Variants in TP73 observed in about 807,000 individuals in gnomAD.
TP73 encodes the protein tumor protein p73.
Under a neutral mutation model 62.5 loss-of-function variants are expected in TP73, and 25 were observed. That is an observed-to-expected ratio of 0.40 (90% CI 0.29 to 0.56). TP73 has a LOEUF of 0.56. TP73 is among the 20% of genes least tolerant of loss of function. TP73 has a pLI of 0.46. For missense variants in TP73, 754 were observed against 913.3 expected, an observed-to-expected ratio of 0.83 and a Z score of 2.25; for synonymous variants, 423 against 377.5, an observed-to-expected ratio of 1.12 and a Z score of -1.40.
intron 1 of TP73, among the ~76,000 whole-genome samples, chr1:3,657,360 C>T (rs138357353): frequency 7.1e-4 from 108 of 152,334 alleles, no homozygotes; most frequent in Middle Eastern, 3.4e-3. Flanking sequence ...TGGCCTTCTC[C>T]TCTGTGTCCC....
Position 3,666,981 on chromosome 1 carries a change from G to T in TP73, c.-34+14340G>T, listed in dbSNP as rs1205388805. On this transcript the variant is annotated intron_variant, in intron 1 of 13. Coordinates refer to ENST00000378295, the MANE Select transcript of TP73 (RefSeq NM_005427.4). The surrounding 1 kb of genome is among the most constrained non-coding windows in gnomAD (Gnocchi z 6.4). ...CCGTGATTCAGCTATTTTGAGATGGGGAGGCCATCTGGCAGGATCCAGGTG... is the reference window on the plus strand; with the variant it reads ...CCGTGATTCAGCTATTTTGAGATGGTGAGGCCATCTGGCAGGATCCAGGTG... 6.6e-6 allele frequency among the ~76,000 whole-genome samples: 1 copy of T among 152,226 alleles called. No individual in the cohort carries two copies. The highest frequency in any genetic ancestry group is 2.4e-5 in the African/African-American group (1 of 41,454).
At chr1:3,676,398 A>G (rs1204910407) in intron 1 of TP73, among the ~76,000 whole-genome samples, 1 of 102,184 alleles carries the variant, frequency 9.8e-6, no homozygotes, top group Non-Finnish European at 1.9e-5. Context: ...CAGGGAAGGA[A>G]CCTATGGGGG....
Position 3,701,097 on chromosome 1 carries a change from C to T in TP73, c.187-6452C>T, listed in dbSNP as rs754411437. ...CCACTTCCCCCAGTTGGATGGCCCG[C>T]GTGGATTTCAGGGTCTGTTTCATCC... On this transcript the variant is annotated intron_variant, in intron 3 of 13. Coordinates refer to ENST00000378295, the MANE Select transcript of TP73 (RefSeq NM_005427.4). This position sits in a 1 kb window ranked among gnomAD's most constrained non-coding sequence, Gnocchi z 4.7. Among the ~76,000 whole-genome samples, 1 of 152,182 alleles carries T rather than the reference C, an allele frequency of 6.6e-6. No homozygotes were observed. Among genetic ancestry groups the T allele is most frequent in the Non-Finnish European group, 1.5e-5 (1 of 68,034 alleles).
intron 3 of TP73, among the ~76,000 whole-genome samples, chr1:3,688,821 C>G (rs1456607601): frequency 2.6e-5 from 4 of 152,200 alleles, no homozygotes; most frequent in African/African-American, 9.7e-5. Context: ...GCACGGTGCC[C>G]TGGGCATGGG....
intron 1 of TP73, among the ~76,000 whole-genome samples, chr1:3,682,044 G>A (rs1193289003): frequency 6.6e-6 from 1 of 152,220 alleles, no homozygotes; most frequent in African/African-American, 2.4e-5. Context: ...CCTCTTCCAA[G>A]GCGACGGCTC....
chr1:3,698,208 A>T (rs1326478233), intron 3 of TP73: 3 of 839,954 alleles, frequency 3.6e-6, no homozygotes, highest in Non-Finnish European at 4.3e-6. Context: ...ACAGGATGTC[A>T]GGGCTGACAC....
In TP73 at chr1:3,728,182, C is replaced by A; in HGVS notation, c.1039C>A (p.Arg347=). The part of the protein sequence containing the change: ...VPALGAGVKK[R]RHGDEDTYYL... ...CGCCCTTGGTGCCGGTGTGAAGAAG[C>A]GGCGGCATGGAGACGAGGACACGTA... is the stretch of plus-strand genomic sequence containing the variant. Residue 347 remains arginine, a synonymous_variant, in exon 9 of 14, where the codon CGG becomes AGG. Coordinates refer to ENST00000378295, the MANE Select transcript of TP73 (RefSeq NM_005427.4). 1 of 1,611,988 alleles carries A rather than the reference C, an allele frequency of 6.2e-7. No individual in the cohort carries two copies. The highest frequency in any genetic ancestry group is 1.1e-5 in the South Asian group (1 of 91,082).
intron 1 of TP73, among the ~76,000 whole-genome samples, chr1:3,658,645 T>G (rs914654630): frequency 3.3e-5 from 5 of 152,256 alleles, no homozygotes; most frequent in African/African-American, 1.2e-4. Context: ...GATGTCAATT[T>G]TCTTTAGAAA....
In TP73 at chr1:3,682,941, G is replaced by A. The variant is rs1039923648; in HGVS notation, c.66-119G>A. 35 of 1,360,438 alleles carry A rather than the reference G, an allele frequency of 2.6e-5. No homozygotes were observed. In the Admixed American group the frequency reaches 7.4e-4, roughly 29 times the overall value. 84.3% of individuals were successfully genotyped at this position (1,360,438 alleles called of 1,614,324 possible). A position where few individuals can be genotyped will look rare whatever the true frequency, so the allele number is the denominator to read the frequency against. ...AGATGGGATGAGAGGGAATGGGAAG[G>A]GCAGGAGACGTAGGCCTCACCAGGA... On this transcript the variant is annotated intron_variant, in intron 2 of 13. Transcript: ENST00000378295.
chr1:3,665,183 T>C (rs1178831253), intron 1 of TP73, among the ~76,000 whole-genome samples: 2 of 152,188 alleles, frequency 1.3e-5, no homozygotes, highest in African/African-American at 4.8e-5. Flanking sequence ...TGTTTTCTTC[T>C]GGAGCGAGGC....
intron 3 of TP73, among the ~76,000 whole-genome samples, chr1:3,704,216 G>A (rs552961496): frequency 6.6e-6 from 1 of 152,372 alleles, no homozygotes; most frequent in East Asian, 1.9e-4. Flanking sequence ...CAAAAAGGTG[G>A]AAAGGAGCTG....
chr1:3,700,707 G>A (rs561490536), intron 3 of TP73, among the ~76,000 whole-genome samples: 3 of 151,980 alleles, frequency 2.0e-5, no homozygotes, highest in Admixed American at 1.3e-4. Flanking sequence ...CTTGAACCCA[G>A]GAGGTGGAAG....
chr1:3,711,867 T>TGTGTGCGC (rs1491505004), intron 4 of TP73, among the ~76,000 whole-genome samples: 2 of 147,790 alleles, frequency 1.4e-5, no homozygotes, highest in African/African-American at 4.9e-5. Context: ...TGTGTGTGTG[T>TGTGTGCGC]GCGCGAGCAT....
chr1:3,663,475 G>A lies in TP73; in HGVS notation c.-34+10834G>A, dbSNP rs1196573282. Among the ~76,000 whole-genome samples the A allele has an allele frequency of 6.6e-6, 1 of 152,180 alleles. No homozygotes were observed. The highest frequency in any genetic ancestry group is 6.5e-5 in the Admixed American group (1 of 15,284). ...TCACGCCTGTAATCCCAGCACTTTGGGAGGCTGAGTCGGGCGGATCACTAG... is the reference window on the plus strand; with the variant it reads ...TCACGCCTGTAATCCCAGCACTTTGAGAGGCTGAGTCGGGCGGATCACTAG... On this transcript the variant is annotated intron_variant, in intron 1 of 13. Transcript: ENST00000378295. The surrounding 1 kb of genome is among the most constrained non-coding windows in gnomAD (Gnocchi z 4.7).
chr1:3,659,170 A>G (rs1373500305), intron 1 of TP73: 1 of 56,792 alleles, frequency 1.8e-5, no homozygotes, highest in Non-Finnish European at 3.4e-5. Context: ...TTTCTATGGA[A>G]ACAAAAGAAA....
At position 3,682,396 on chromosome 1, in the gene TP73, G is replaced by T; in HGVS notation, c.31G>T (p.Gly11Trp). The T allele has an allele frequency of 1.3e-6, 2 of 1,565,704 alleles. No individual in the cohort carries two copies. Among genetic ancestry groups the T allele is most frequent in the Non-Finnish European group, 8.7e-7 (1 of 1,152,796 alleles). The change falls in exon 2 of 14, where the codon GGG becomes TGG. Residue 11 changes from glycine (G) to tryptophan (W), a missense_variant. By Grantham distance (184) the Gly-to-Trp change is radical. Transcript: ENST00000378295. ...CCAGTCCACCGCCACCTCCCCTGAT[G>T]GGGGCACCACGTTTGAGCACCTCTG... is the stretch of plus-strand genomic sequence containing the variant. MAQSTATSPD[G>W]GTTFEHLWSS...
intron 3 of TP73, among the ~76,000 whole-genome samples, chr1:3,683,989 C>T (rs1645586294): frequency 6.6e-6 from 1 of 152,266 alleles, no homozygotes; most frequent in Non-Finnish European, 1.5e-5. Context: ...CAAGCCCTGC[C>T]CCATTGGCTG....
intron 3 of TP73, among the ~76,000 whole-genome samples, chr1:3,698,365 G>C (rs973654996): frequency 1.3e-5 from 2 of 152,202 alleles, no homozygotes; most frequent in African/African-American, 2.4e-5. Context: ...GTTAAATAAA[G>C]TCTGTGCATC....
At position 3,686,723 on chromosome 1, in the gene TP73, G is replaced by A. The variant is rs145339571; in HGVS notation, c.186+3543G>A. ...TCACTGTGGCCATCTGACTGAGGTG[G>A]CCCAGAAAGTCCAGCAGGCCGAGGT... On this transcript the variant is annotated intron_variant, in intron 3 of 13. Coordinates refer to ENST00000378295, the MANE Select transcript of TP73 (RefSeq NM_005427.4). 6.8e-3 allele frequency among the ~76,000 whole-genome samples: 1,042 copies of A among 152,270 alleles called. 18 individuals carry two copies. The highest frequency in any genetic ancestry group is 0.029 in the South Asian group (141 of 4,808).
Sources: allele counts gnomAD v4.1 joint callset (sites outside exome capture counted in the v4.1 genomes callset), GRCh38; gene constraint gnomAD v4.1.1; non-coding constraint Gnocchi (gnomAD v3.1); transcripts MANE v1.5; gene names NCBI Gene and HGNC (gene_info 2026-07-23, HGNC 2026-07-21).